Variants in SHCBP1L observed in about 807,000 individuals in gnomAD.
SHCBP1L encodes testicular spindle-associated protein SHCBP1L.
Under a neutral mutation model 62.5 loss-of-function variants are expected in SHCBP1L, and 67 were observed. The ratio of observed to expected loss-of-function variants is 1.07; its 90% CI spans 0.88 to 1.31. SHCBP1L has a LOEUF of 1.31. Ranked by LOEUF, SHCBP1L falls within the 40% of genes most tolerant of loss-of-function variation. The pLI is 0.00. For missense variants in SHCBP1L, 823 were observed against 809.8 expected, an observed-to-expected ratio of 1.02 and a Z score of -0.20; for synonymous variants, 284 against 289.4, an observed-to-expected ratio of 0.98 and a Z score of 0.19.
At position 182,927,370 on chromosome 1, in the gene SHCBP1L, G is replaced by A. The variant is rs181511413; in HGVS notation, c.1182+2277C>T. ...AAGAATCTTCAAAGATGAGGAAATT[G>A]TTAAAGCTTACATGCACAGCAGCCG... On this transcript the variant is annotated intron_variant, in intron 6 of 9. Coordinates refer to ENST00000367547, the MANE Select transcript of SHCBP1L (RefSeq NM_030933.4). 1.1e-4 allele frequency among the ~76,000 whole-genome samples: 17 copies of A among 152,000 alleles called. No individual in the cohort carries two copies. The East Asian group carries it at 3.3e-3, about 30-fold the overall frequency.
At chr1:182,939,631 C>A in intron 3 of SHCBP1L, 78 bp from the exon 4 acceptor site, 1 of 1,040,026 alleles carries the variant, frequency 9.6e-7, no homozygotes, top group South Asian at 1.6e-5. Flanking sequence ...ATTCTGATGT[C>A]AGAATTCTCT....
intron 7 of SHCBP1L, among the ~76,000 whole-genome samples, chr1:182,905,173 G>C (rs1388343329): frequency 6.6e-6 from 1 of 152,144 alleles, no homozygotes; most frequent in East Asian, 1.9e-4. Context: ...TTCTACTTCT[G>C]TTTTGGTGAG....
Position 182,900,217 on chromosome 1 carries a change from T to C in SHCBP1L, c.1728A>G (p.Lys576=). Residue 576 remains lysine (K), a synonymous_variant, in exon 10 of 10, where the codon AAA becomes AAG. Transcript: ENST00000367547. ...GVNMKVLPAP[K]LKMTNNHIYS... is the part of the protein sequence containing the mutation. The stretch of plus-strand genomic sequence containing the variant: ...AAATATGATTATTAGTCATCTTCAA[T>C]TTGGGTGCTGGAAGAACCTATTAAA... 1 of 1,570,522 alleles carries C rather than the reference T, an allele frequency of 6.4e-7. No homozygotes were observed.
In SHCBP1L at chr1:182,951,477, G is replaced by GA; in HGVS notation, c.406-11dup. The GA allele has an allele frequency of 2.0e-6, 3 of 1,523,382 alleles. No homozygotes were observed. The highest frequency in any genetic ancestry group is 1.4e-5 in the African/African-American group (1 of 71,176). 94.4% of individuals were successfully genotyped at this position (1,523,382 alleles called of 1,614,324 possible). ...CATCAGCATCTTCTGCCTAACAAGA[G>GA]AAAAAATGGATCTACATATAAATAT... On this transcript the variant is annotated splice_polypyrimidine_tract_variant and intron_variant, in intron 1 of 9. Coordinates refer to ENST00000367547, the MANE Select transcript of SHCBP1L (RefSeq NM_030933.4).
At chr1:182,911,746 T>C (rs970018167) in intron 6 of SHCBP1L, among the ~76,000 whole-genome samples, 1 of 152,066 alleles carries the variant, frequency 6.6e-6, no homozygotes, top group Non-Finnish European at 1.5e-5. Flanking sequence ...AACAGCAGAT[T>C]TGAGCAAGCA....
chr1:182,930,549 GTGTATATATATATA>G (rs1296785341), intron 5 of SHCBP1L, among the ~76,000 whole-genome samples: 5 of 48,838 alleles, frequency 1.0e-4, no homozygotes, highest in African/African-American at 7.4e-4. Context: ...TTTAGTGTGT[GTGTATATATATATA>G]TATATATATA....
chr1:182,947,117 A>C (rs755930828), intron 2 of SHCBP1L, among the ~76,000 whole-genome samples: 36 of 151,930 alleles, frequency 2.4e-4, no homozygotes, highest in Admixed American at 8.5e-4. Flanking sequence ...CGCGCCTATA[A>C]TCCCAGCTAC....
At position 182,903,751 on chromosome 1, in the gene SHCBP1L, C is replaced by T. The variant is rs528268360; in HGVS notation, c.1587+429G>A. On this transcript the variant is annotated intron_variant, in intron 8 of 9. Coordinates refer to ENST00000367547, the MANE Select transcript of SHCBP1L (RefSeq NM_030933.4). The stretch of plus-strand genomic sequence containing the variant: ...CTCAAGTGATCCTCCCGTCTCAGCT[C>T]CTAAAGTGCTGGGATTACAGGAGTG... Among the ~76,000 whole-genome samples the T allele has an allele frequency of 2.6e-5, 4 of 152,246 alleles. No individual in the cohort carries two copies. The East Asian group carries it at 7.7e-4, about 29-fold the overall frequency.
Position 182,915,806 on chromosome 1 carries a change from C to CT in SHCBP1L, c.1183-10158dup, listed in dbSNP as rs535677579. On this transcript the variant is annotated intron_variant, in intron 6 of 9. Transcript: ENST00000367547. ...ATATGTGAAAATTAAACAACGTATT[C>CT]TTTTTTTTTTTTTTTTTTGAGACGG... is the stretch of plus-strand genomic sequence containing the variant. Among the ~76,000 whole-genome samples, 1,055 of 133,206 alleles carry CT rather than the reference C, an allele frequency of 7.9e-3. 28 individuals are homozygous for CT. In the East Asian group the frequency reaches 0.089, roughly 11 times the overall value. 87.4% of individuals were successfully genotyped at this position (133,206 alleles called of 152,430 possible).
chr1:182,918,778 A>C (rs1650436389), intron 6 of SHCBP1L, among the ~76,000 whole-genome samples: 1 of 151,406 alleles, frequency 6.6e-6, no homozygotes, highest in African/African-American at 2.4e-5. Context: ...GTAATAAAAT[A>C]GTGTGGTACT....
intron 9 of SHCBP1L, among the ~76,000 whole-genome samples, chr1:182,900,492 A>G (rs1649797170): frequency 6.6e-6 from 1 of 152,098 alleles, no homozygotes; most frequent in African/African-American, 2.4e-5. Context: ...GAGTGCAATG[A>G]CACAGTCTTG....
At chr1:182,920,418 A>AAAAC (rs1445883112) in intron 6 of SHCBP1L, among the ~76,000 whole-genome samples, 1 of 152,196 alleles carries the variant, frequency 6.6e-6, no homozygotes, top group Non-Finnish European at 1.5e-5. Flanking sequence ...TAAAAGCAAA[A>AAAAC]AAACCCCATC....
Position 182,939,332 on chromosome 1 carries a change from A to G in SHCBP1L, c.920T>C (p.Leu307Ser), listed in dbSNP as rs1294665844. 6.2e-7 allele frequency: 1 copy of G among 1,613,872 alleles called. No homozygotes were observed. The highest frequency in any genetic ancestry group is 8.5e-7 in the Non-Finnish European group (1 of 1,179,962). Residue 307 changes from leucine to serine, a missense_variant, in exon 5 of 10, where the codon TTG (leucine) becomes TCG (serine). Physicochemically the swap from Leu to Ser is moderately radical, Grantham distance 145 (BLOSUM62 -2). Coordinates refer to ENST00000367547, the MANE Select transcript of SHCBP1L (RefSeq NM_030933.4). ...GPIAQRFKKT[L>S]EKYKNKRVEL... Reference sequence around the variant, plus strand: ...GACACGTTTGTTTTTATATTTCTCCAAAGTTTTTTTAAAACGTTGTGCGAT... The same window carrying G: ...GACACGTTTGTTTTTATATTTCTCCGAAGTTTTTTTAAAACGTTGTGCGAT...
At chr1:182,929,231 A>C (rs1309930219) in intron 6 of SHCBP1L, among the ~76,000 whole-genome samples, 2 of 152,118 alleles carry the variant, frequency 1.3e-5, no homozygotes, top group African/African-American at 2.4e-5. Flanking sequence ...TTATGTACCC[A>C]TTCTACATGT....
chr1:182,927,775 G>A (rs1650829226), intron 6 of SHCBP1L, among the ~76,000 whole-genome samples: 1 of 151,938 alleles, frequency 6.6e-6, no homozygotes, highest in South Asian at 2.1e-4. Context: ...AAGTAAACTG[G>A]AAGCTGATGA....
intron 6 of SHCBP1L, among the ~76,000 whole-genome samples, chr1:182,924,588 G>C (rs1177703150): frequency 6.6e-6 from 1 of 151,036 alleles, no homozygotes; most frequent in African/African-American, 2.4e-5. Context: ...GAGCCACCGC[G>C]CCCCGCCAAA....
chr1:182,941,484 T>A (rs1651364589), intron 2 of SHCBP1L, among the ~76,000 whole-genome samples: 1 of 152,164 alleles, frequency 6.6e-6, no homozygotes, highest in African/African-American at 2.4e-5. Context: ...GGCTATAAAG[T>A]ACCAGTATCT....
chr1:182,933,571 T>C (rs1260959142), intron 5 of SHCBP1L, among the ~76,000 whole-genome samples: 1 of 152,120 alleles, frequency 6.6e-6, no homozygotes, highest in African/African-American at 2.4e-5. Context: ...TGTCATATGA[T>C]TTTTCTGTGT....
intron 5 of SHCBP1L, among the ~76,000 whole-genome samples, chr1:182,931,208 A>T (rs1348024434): frequency 1.3e-5 from 2 of 152,094 alleles, no homozygotes; most frequent in South Asian, 2.1e-4. Context: ...CTATTTAAGC[A>T]AGTGGTCTTG....
Sources: allele counts gnomAD v4.1 joint callset (sites outside exome capture counted in the v4.1 genomes callset), GRCh38; gene constraint gnomAD v4.1.1; transcripts MANE v1.5; gene names NCBI Gene and HGNC (gene_info 2026-07-23, HGNC 2026-07-21).